The following DPF3 variants were observed in gnomAD, a reference collection of about 807,000 sequenced individuals.
DPF3 encodes the protein zinc finger protein DPF3.
Under a neutral mutation model 56.8 loss-of-function variants are expected in DPF3, and 18 were observed. The observed-to-expected ratio is 0.32, with a 90% CI of 0.22 to 0.47. The LOEUF is 0.47. Among genes scored for constraint, DPF3 ranks in the 20% least tolerant of loss-of-function variants. The pLI is 1.00. For synonymous variants in DPF3, 188 were observed against 180.2 expected (o/e 1.04, Z -0.35); for missense variants, 403 against 488.8 (o/e 0.82, Z 1.65).
chr14:72,893,661 G>T (rs1235232236), intron 1 of DPF3, among the ~76,000 whole-genome samples: 1 of 151,810 alleles, frequency 6.6e-6, no homozygotes, highest in East Asian at 2.0e-4. Flanking sequence ...ACTGCCCGAC[G>T]CTCGCCCCCC....
intron 1 of DPF3, among the ~76,000 whole-genome samples, chr14:72,799,222 T>A (rs1301470286): frequency 6.6e-6 from 1 of 152,146 alleles, no homozygotes; most frequent in African/African-American, 2.4e-5. Context: ...ACATAGGTTG[T>A]CTGCCTGCCC....
intron 1 of DPF3, among the ~76,000 whole-genome samples, chr14:72,866,863 G>C (rs1468402539): frequency 2.0e-5 from 3 of 149,674 alleles, no homozygotes; most frequent in African/African-American, 7.3e-5. Context: ...TCCGACTCGT[G>C]ATCCACCCGA....
At chr14:72,883,926 C>CAAAAA (rs5809597) in intron 1 of DPF3, among the ~76,000 whole-genome samples, 1 of 121,700 alleles carries the variant, frequency 8.2e-6, no homozygotes, top group Admixed American at 8.3e-5. Flanking sequence ...GACTCTGTCT[C>CAAAAA]AAAAAAAAAA....
rs1182551074 is a variant in DPF3, at chr14:72,869,677, G to A, written c.32+24380C>T. 3.3e-5 allele frequency among the ~76,000 whole-genome samples: 5 copies of A among 152,126 alleles called. 1 individual carries two copies. The East Asian group carries it at 7.7e-4, about 23-fold the overall frequency. On this transcript the variant is annotated intron_variant, in intron 1 of 10. Coordinates refer to ENST00000556509, the MANE Select transcript of DPF3 (RefSeq NM_001280542.3). ...TGGCTTACCTCCTGGGGAATGTGGG[G>A]ACGGAAAAAGAGGGCTGGGAGAGAG... is the stretch of plus-strand genomic sequence containing the variant.
chr14:72,653,390 C>T (rs796223163), intron 8 of DPF3, among the ~76,000 whole-genome samples: 15 of 152,338 alleles, frequency 9.8e-5, no homozygotes, highest in African/African-American at 3.4e-4. Context: ...CCTCTTTCGG[C>T]CTCAGGGGCC....
At chr14:72,778,338 G>T (rs544746421) in intron 1 of DPF3, among the ~76,000 whole-genome samples, 36 of 152,244 alleles carry the variant, frequency 2.4e-4, no homozygotes, top group African/African-American at 8.7e-4. Flanking sequence ...TCTCATAGAA[G>T]CGCAAACCCT....
At chr14:72,688,728 A>C (rs943462138) in intron 7 of DPF3, among the ~76,000 whole-genome samples, 1 of 152,140 alleles carries the variant, frequency 6.6e-6, no homozygotes, top group African/African-American at 2.4e-5. Context: ...GTACATATGC[A>C]TGTGCACACA....
intron 8 of DPF3, among the ~76,000 whole-genome samples, chr14:72,673,567 G>A (rs1886782393): frequency 1.3e-5 from 2 of 152,152 alleles, no homozygotes; most frequent in South Asian, 2.1e-4. Context: ...AAGAATGAAG[G>A]AACAAGACCA....
chr14:72,621,817 C>A (rs1884467958), intron 9 of DPF3, among the ~76,000 whole-genome samples: 1 of 152,160 alleles, frequency 6.6e-6, no homozygotes. Context: ...AGGGAAGAAG[C>A]CAAGGATGCC....
chr14:72,729,238 A>G (rs1297900431), intron 4 of DPF3, among the ~76,000 whole-genome samples: 1 of 152,154 alleles, frequency 6.6e-6, no homozygotes. Context: ...ACACAGCGAG[A>G]CTCTGTCTCA....
At chr14:72,700,121 A>G (rs1888094819) in intron 6 of DPF3, among the ~76,000 whole-genome samples, 1 of 152,210 alleles carries the variant, frequency 6.6e-6, no homozygotes, top group Admixed American at 6.5e-5. Flanking sequence ...TTGCATCAGG[A>G]TGAAACTGCT....
intron 1 of DPF3, among the ~76,000 whole-genome samples, chr14:72,795,295 AATATAT>A (rs71109748): frequency 4.2e-4 from 43 of 102,912 alleles, no homozygotes; most frequent in African/African-American, 1.6e-3. Flanking sequence ...AAAAAAAAAA[AATATAT>A]ATATATATAT....
Position 72,876,764 on chromosome 14 carries a change from C to G in DPF3, c.32+17293G>C, listed in dbSNP as rs145779397. On this transcript the variant is annotated intron_variant, in intron 1 of 10. Transcript: ENST00000556509. Reference sequence around the variant, plus strand: ...GAACTCAGCTCCTCTCTGAAGCATCCTCTGTCATCCCAGCCACAGGAACTG... The same window carrying G: ...GAACTCAGCTCCTCTCTGAAGCATCGTCTGTCATCCCAGCCACAGGAACTG... Among the ~76,000 whole-genome samples the G allele has an allele frequency of 3.6e-3, 541 of 152,344 alleles. 2 individuals carry two copies. Among genetic ancestry groups the G allele is most frequent in the African/African-American group, 0.012 (517 of 41,574 alleles).
chr14:72,833,543 T>C (rs1265240960), intron 1 of DPF3, among the ~76,000 whole-genome samples: 1 of 151,426 alleles, frequency 6.6e-6, no homozygotes, highest in African/African-American at 2.4e-5. Context: ...AAACAAGAAC[T>C]GAGTCAAGGA....
chr14:72,838,909 T>TATATATATATATATATA (rs1491369142), intron 1 of DPF3, among the ~76,000 whole-genome samples: 34 of 7,640 alleles, frequency 4.5e-3, no homozygotes, highest in South Asian at 9.7e-3. Context: ...ATATATATTC[T>TATATATATATATATATA]TTTTTTTTTT....
At chr14:72,800,356 T>G (rs1339716679) in intron 1 of DPF3, among the ~76,000 whole-genome samples, 1 of 151,502 alleles carries the variant, frequency 6.6e-6, no homozygotes, top group Non-Finnish European at 1.5e-5. Flanking sequence ...TACCATCCCT[T>G]ATTAGATGGA....
At chr14:72,808,682 G>T (rs191303318) in intron 1 of DPF3, among the ~76,000 whole-genome samples, 1 of 152,186 alleles carries the variant, frequency 6.6e-6, no homozygotes, top group African/African-American at 2.4e-5. Flanking sequence ...TCCTATTCTG[G>T]GAGGAGAAAA....
intron 7 of DPF3, among the ~76,000 whole-genome samples, chr14:72,687,886 C>T (rs1599357529): frequency 6.6e-6 from 1 of 152,046 alleles, no homozygotes; most frequent in East Asian, 1.9e-4. Flanking sequence ...TGAGAATCTA[C>T]ATTTTCAACA....
At chr14:72,723,531 ACCATGGCCATGATTT>A in intron 5 of DPF3, 87 bp downstream of exon 5, 1 of 1,006,740 alleles carries the variant, frequency 9.9e-7, no homozygotes, top group Non-Finnish European at 1.5e-6. Context: ...TCCATGTAAG[ACCATGGCCATGATTT>A]CCATCTAGCT....
Sources: gnomAD v4.1 joint callset for allele counts (sites outside exome capture counted in the v4.1 genomes callset) on GRCh38, gnomAD v4.1.1 for gene constraint, MANE v1.5 for transcripts, NCBI Gene and HGNC (gene_info 2026-07-23, HGNC 2026-07-21) for gene names.